The following DNAJC3 variants were observed in gnomAD, a reference collection of about 807,000 sequenced individuals.
DNAJC3 encodes the protein dnaJ homolog subfamily C member 3.
Under a neutral mutation model 68.6 loss-of-function variants are expected in DNAJC3, and 38 were observed. The observed-to-expected ratio is 0.55, with a 90% CI of 0.43 to 0.73. The LOEUF (loss-of-function observed/expected upper bound fraction) is 0.73. DNAJC3 is among the 30% of genes least tolerant of loss of function. The pLI, the probability that DNAJC3 is intolerant of heterozygous loss-of-function variation, is 0.00. For missense variants in DNAJC3, 526 were observed against 591.9 expected, an observed-to-expected ratio of 0.89 and a Z score of 1.16; for synonymous variants, 203 against 204.0, an observed-to-expected ratio of 1.00 and a Z score of 0.04.
intron 4 of DNAJC3, among the ~76,000 whole-genome samples, chr13:95,752,972 G>A (rs1882527255): frequency 6.6e-6 from 1 of 152,218 alleles, no homozygotes. Flanking sequence ...CATGTGAACA[G>A]ATAGTGTGAA....
At chr13:95,773,803 C>A (rs1229492476) in intron 9 of DNAJC3, among the ~76,000 whole-genome samples, 1 of 123,018 alleles carries the variant, frequency 8.1e-6, no homozygotes, top group Non-Finnish European at 1.6e-5. Flanking sequence ...GTGGAGCGAT[C>A]TTAGCTCACT....
intron 1 of DNAJC3, among the ~76,000 whole-genome samples, chr13:95,682,749 A>G (rs1259322046): frequency 6.6e-6 from 1 of 152,214 alleles, no homozygotes; most frequent in Non-Finnish European, 1.5e-5. Flanking sequence ...AAGAGAGTGG[A>G]TTGCAAAAAC....
chr13:95,792,938 A>C lies in DNAJC3; in HGVS notation c.*1908A>C, dbSNP rs971524159. On this transcript the variant is annotated 3_prime_UTR_variant, in exon 12 of 12. Transcript: ENST00000602402. ...GAGTCAGAAAAAAAAGGAAATATCA[A>C]ATCACTTGCCTTTCCACTTGGAGAG... is the stretch of plus-strand genomic sequence containing the variant. The C allele has an allele frequency of 6.6e-6, 1 of 152,210 alleles. No homozygotes were observed. The highest frequency in any genetic ancestry group is 2.4e-5 in the African/African-American group (1 of 41,446). 9.4% of individuals were successfully genotyped at this position (152,210 alleles called of 1,614,324 possible).
chr13:95,732,971 A>G (rs1881764731), intron 4 of DNAJC3, among the ~76,000 whole-genome samples: 2 of 151,970 alleles, frequency 1.3e-5, no homozygotes, highest in Admixed American at 1.3e-4. Context: ...ATTGTTTTCT[A>G]GTTTTATTCC....
intron 5 of DNAJC3, among the ~76,000 whole-genome samples, chr13:95,758,585 T>C (rs1183062205): frequency 2.0e-5 from 3 of 150,168 alleles, no homozygotes; most frequent in Non-Finnish European, 4.4e-5. Context: ...GCCACTACAC[T>C]GTAGCCTGGG....
At chr13:95,725,337 T>A in intron 4 of DNAJC3, 85 bp downstream of exon 4, 1 of 955,926 alleles carries the variant, frequency 1.0e-6, no homozygotes. Context: ...CAGTTAATAG[T>A]AATTTTATAG....
At chr13:95,691,244 C>T (rs560357803) in intron 1 of DNAJC3, among the ~76,000 whole-genome samples, 15 of 152,078 alleles carry the variant, frequency 9.9e-5, no homozygotes, top group Admixed American at 7.2e-4. Context: ...CGGAGACGCT[C>T]CTCACTTCCC....
intron 1 of DNAJC3, among the ~76,000 whole-genome samples, chr13:95,707,687 TTAATC>T (rs1880800526): frequency 6.6e-6 from 1 of 152,094 alleles, no homozygotes; most frequent in South Asian, 2.1e-4. Context: ...AAGGGGAAGT[TTAATC>T]TAAGAACTGT....
chr13:95,682,982 T>C (rs1451735403), intron 1 of DNAJC3, among the ~76,000 whole-genome samples: 2 of 152,210 alleles, frequency 1.3e-5, no homozygotes, highest in African/African-American at 2.4e-5. Context: ...CAGCTCCTCC[T>C]CTCAAACTTG....
chr13:95,782,209 G>T (rs1022158428), intron 9 of DNAJC3, among the ~76,000 whole-genome samples: 3 of 152,164 alleles, frequency 2.0e-5, no homozygotes, highest in African/African-American at 7.2e-5. Flanking sequence ...ATCATTGATA[G>T]ACATTTGGGT....
chr13:95,749,824 C>T (rs765644299), intron 4 of DNAJC3, among the ~76,000 whole-genome samples: 12 of 151,908 alleles, frequency 7.9e-5, no homozygotes, highest in Non-Finnish European at 1.8e-4. Flanking sequence ...CCGAGGCAGG[C>T]GGATCATCAG....
chr13:95,684,492 G>A (rs895552946), intron 1 of DNAJC3, among the ~76,000 whole-genome samples: 2 of 152,200 alleles, frequency 1.3e-5, no homozygotes, highest in Non-Finnish European at 2.9e-5. Context: ...GGGAAACAGA[G>A]CAGAAGAGTT....
At position 95,755,033 on chromosome 13, in the gene DNAJC3, C is replaced by T. The variant is rs373037096; in HGVS notation, c.394-2611C>T. Among the ~76,000 whole-genome samples, 4 of 151,944 alleles carry T rather than the reference C, an allele frequency of 2.6e-5. No individual in the cohort carries two copies. The East Asian group carries it at 7.8e-4, about 29-fold the overall frequency. On this transcript the variant is annotated intron_variant, in intron 4 of 11. Transcript: ENST00000602402. Reference sequence around the variant, plus strand: ...AAGCCCTAAGGAAGAGAAAGGATGTCAAGAAACATGAAAAAGGGAAGAATG... The same window carrying T: ...AAGCCCTAAGGAAGAGAAAGGATGTTAAGAAACATGAAAAAGGGAAGAATG...
In DNAJC3 at chr13:95,794,161, C is replaced by T. The variant is rs913265085; in HGVS notation, c.*3131C>T. On this transcript the variant is annotated 3_prime_UTR_variant, in exon 12 of 12. Transcript: ENST00000602402. ...TTGGTATGAAAACAAATTTTTGTTG[C>T]CCTGATAATGGAATTTTAAAACTAC... 11 of 152,026 alleles carry T rather than the reference C, an allele frequency of 7.2e-5. No individual in the cohort carries two copies. Among genetic ancestry groups the T allele is most frequent in the Non-Finnish European group, 1.3e-4 (9 of 68,012 alleles). 9.4% of individuals were successfully genotyped at this position (152,026 alleles called of 1,614,324 possible).
chr13:95,734,757 G>C (rs1435639187), intron 4 of DNAJC3, among the ~76,000 whole-genome samples: 1 of 149,452 alleles, frequency 6.7e-6, no homozygotes, highest in Admixed American at 6.6e-5. Context: ...TATTTCAAAG[G>C]ACCTGTCTTC....
chr13:95,683,895 T>C (rs528092336), intron 1 of DNAJC3, among the ~76,000 whole-genome samples: 60 of 135,116 alleles, frequency 4.4e-4, no homozygotes, highest in Non-Finnish European at 7.6e-4. Context: ...ATTGCACCAC[T>C]GCACTCCAGC....
intron 1 of DNAJC3, among the ~76,000 whole-genome samples, chr13:95,685,411 G>A (rs771309619): frequency 6.6e-6 from 1 of 152,208 alleles, no homozygotes; most frequent in Non-Finnish European, 1.5e-5. Context: ...TAATCCCATT[G>A]TATCTTGGAA....
At position 95,794,829 on chromosome 13, in the gene DNAJC3, TGAGAA is replaced by T. The variant is rs943534717; in HGVS notation, c.*3800_*3804del. 19 of 152,368 alleles carry T rather than the reference TGAGAA, an allele frequency of 1.2e-4. No individual in the cohort carries two copies. The highest frequency in any genetic ancestry group is 3.4e-3 in the Middle Eastern group (1 of 294). The allele number at this position is 152,368 out of a possible 1,614,324, so 9.4% of individuals were successfully genotyped here. A position where few individuals can be genotyped will look rare whatever the true frequency, so the allele number is the denominator to read the frequency against. On this transcript the variant is annotated 3_prime_UTR_variant, in exon 12 of 12. Coordinates refer to ENST00000602402, the MANE Select transcript of DNAJC3 (RefSeq NM_006260.5). ...CTGTGAGGTTTTAGTTTGTTTTGAATGAGAAAAGACTAAGTAACTTAATCCATCTC... is the reference window on the plus strand; with the variant it reads ...CTGTGAGGTTTTAGTTTGTTTTGAATAAGACTAAGTAACTTAATCCATCTC...
At chr13:95,752,238 G>A (rs1882501930) in intron 4 of DNAJC3, among the ~76,000 whole-genome samples, 1 of 152,190 alleles carries the variant, frequency 6.6e-6, no homozygotes, top group Admixed American at 6.5e-5. Flanking sequence ...TCACCAAAGA[G>A]CTTTGTTTAT....
Sources: gnomAD v4.1 joint callset for allele counts (sites outside exome capture counted in the v4.1 genomes callset) on GRCh38, gnomAD v4.1.1 for gene constraint, MANE v1.5 for transcripts, NCBI Gene and HGNC (gene_info 2026-07-23, HGNC 2026-07-21) for gene names.